Variants in WWOX observed in about 807,000 individuals in gnomAD.
WWOX encodes WW domain containing oxidoreductase.
In WWOX, 69 loss-of-function variants were observed where a neutral mutation model predicts 46.2. The observed-to-expected ratio is 1.49, with a 90% CI of 1.23 to 1.82. The LOEUF (loss-of-function observed/expected upper bound fraction) is 1.82. Among genes scored for constraint, WWOX ranks in the 40% most tolerant of loss-of-function variants. The pLI, the probability that WWOX is intolerant of heterozygous loss-of-function variation, is 0.00. For synonymous variants in WWOX, 359 were observed against 202.6 expected, an observed-to-expected ratio of 1.77 and a Z score of -6.56; for missense variants, 919 against 542.6, an observed-to-expected ratio of 1.69 and a Z score of -6.89.
chr16:78,416,571 T>C (rs1455953333), intron 6 of WWOX, among the ~76,000 whole-genome samples: 2 of 152,160 alleles, frequency 1.3e-5, no homozygotes, highest in Non-Finnish European at 2.9e-5. Context: ...GGCCTGTCTT[T>C]GGTAGCAAGT....
intron 8 of WWOX, among the ~76,000 whole-genome samples, chr16:78,736,897 A>G (rs28670522): frequency 1.3e-5 from 2 of 151,604 alleles, no homozygotes; most frequent in African/African-American, 2.4e-5. Flanking sequence ...GCATGAGGCA[A>G]TGTGCCCGGC....
chr16:79,189,981 T>C lies in WWOX; in HGVS notation c.1057-21627T>C, dbSNP rs982097319. On this transcript the variant is annotated intron_variant, in intron 8 of 8. Coordinates refer to ENST00000566780, the MANE Select transcript of WWOX (RefSeq NM_016373.4). ...AATTTGGAAGCATTTGATTGCTCCA[T>C]TATTTTATCATCTTCCCATGGAAAT... Among the ~76,000 whole-genome samples, 8 of 152,076 alleles carry C rather than the reference T, an allele frequency of 5.3e-5. No homozygotes were observed. The South Asian group carries it at 8.3e-4, about 16-fold the overall frequency.
intron 4 of WWOX, among the ~76,000 whole-genome samples, chr16:78,159,684 T>G (rs2034723274): frequency 6.7e-6 from 1 of 149,442 alleles, no homozygotes; most frequent in Non-Finnish European, 1.5e-5. Flanking sequence ...TTTTTTTTTT[T>G]TTTTTTTTTT....
intron 8 of WWOX, among the ~76,000 whole-genome samples, chr16:79,120,208 A>G (rs1369514834): frequency 6.6e-6 from 1 of 152,186 alleles, no homozygotes; most frequent in Non-Finnish European, 1.5e-5. Flanking sequence ...TTCCTCATAG[A>G]CAGGGAATGT....
chr16:78,365,250 G>T (rs987432824), intron 5 of WWOX, among the ~76,000 whole-genome samples: 2 of 152,202 alleles, frequency 1.3e-5, no homozygotes, highest in Non-Finnish European at 2.9e-5. Flanking sequence ...CATTATCAGT[G>T]TGATTGTCTC....
intron 5 of WWOX, among the ~76,000 whole-genome samples, chr16:78,362,937 G>C (rs1351532520): frequency 6.6e-6 from 1 of 152,170 alleles, no homozygotes; most frequent in Non-Finnish European, 1.5e-5. Context: ...ATGGTTGCAT[G>C]GGACAGTGTC....
intron 8 of WWOX, among the ~76,000 whole-genome samples, chr16:78,934,136 C>G (rs563511759): frequency 1.3e-5 from 2 of 151,706 alleles, no homozygotes; most frequent in African/African-American, 2.4e-5. Context: ...GAGATGGAGA[C>G]CATCCTGGCT....
At chr16:78,614,171 T>C (rs948289614) in intron 8 of WWOX, among the ~76,000 whole-genome samples, 19 of 152,216 alleles carry the variant, frequency 1.2e-4, no homozygotes, top group African/African-American at 4.6e-4. Flanking sequence ...GACAAACAAC[T>C]TCTGTCAGCT....
chr16:79,204,258 C>G (rs1385621494), intron 8 of WWOX: 5 of 152,114 alleles, frequency 3.3e-5, no homozygotes, highest in African/African-American at 1.2e-4. Flanking sequence ...AAGACATCAT[C>G]AACAATACCT....
chr16:78,548,978 G>A (rs2044113888), intron 8 of WWOX, among the ~76,000 whole-genome samples: 1 of 152,068 alleles, frequency 6.6e-6, no homozygotes, highest in Non-Finnish European at 1.5e-5. Context: ...TCCAACAGAT[G>A]GATGGGTTGG....
At chr16:78,520,265 A>G (rs1312313174) in intron 8 of WWOX, among the ~76,000 whole-genome samples, 1 of 152,212 alleles carries the variant, frequency 6.6e-6, no homozygotes, top group Non-Finnish European at 1.5e-5. Flanking sequence ...AGAGAGCCAA[A>G]GTCTTGATAG....
Position 78,323,255 on chromosome 16 carries a change from C to T in WWOX, c.517-63605C>T, listed in dbSNP as rs1031734774. Among the ~76,000 whole-genome samples the T allele has an allele frequency of 9.9e-5, 15 of 152,090 alleles. No individual in the cohort carries two copies. In the Middle Eastern group the frequency reaches 0.01, roughly 103 times the overall value. Reference sequence around the variant, plus strand: ...CTGAGTAGGTGGGACTACAGGCCCCCGCCACCATGCCCGGCTAATTTTTTT... The same window carrying T: ...CTGAGTAGGTGGGACTACAGGCCCCTGCCACCATGCCCGGCTAATTTTTTT... On this transcript the variant is annotated intron_variant, in intron 5 of 8. Transcript: ENST00000566780.
intron 8 of WWOX, among the ~76,000 whole-genome samples, chr16:78,737,319 A>G (rs2049114825): frequency 6.6e-6 from 1 of 151,476 alleles, no homozygotes. Context: ...ATTTTTTAGT[A>G]CAGATGCGGT....
chr16:78,797,078 A>C (rs2050758444), intron 8 of WWOX, among the ~76,000 whole-genome samples: 1 of 151,988 alleles, frequency 6.6e-6, no homozygotes, highest in African/African-American at 2.4e-5. Context: ...CACCCACCTC[A>C]GCCTCCTAAA....
chr16:78,653,050 T>G lies in WWOX; in HGVS notation c.1056+220298T>G, dbSNP rs2047001260. On this transcript the variant is annotated intron_variant, in intron 8 of 8. Coordinates refer to ENST00000566780, the MANE Select transcript of WWOX (RefSeq NM_016373.4). ...AAATGTTCTATTAATTCCACTAGCATGAGATAATCACTCTTAATATTTTGT... is the reference window on the plus strand; with the variant it reads ...AAATGTTCTATTAATTCCACTAGCAGGAGATAATCACTCTTAATATTTTGT... 1.3e-5 allele frequency among the ~76,000 whole-genome samples: 2 copies of G among 152,222 alleles called. 1 individual carries two copies. The highest frequency in any genetic ancestry group is 4.1e-4 in the South Asian group (2 of 4,836).
intron 8 of WWOX, among the ~76,000 whole-genome samples, chr16:78,548,485 G>T (rs1354907129): frequency 6.6e-6 from 1 of 152,142 alleles, no homozygotes; most frequent in Non-Finnish European, 1.5e-5. Flanking sequence ...ATTTTTTTAA[G>T]TAAGGTTTAT....
chr16:78,358,046 C>T lies in WWOX; in HGVS notation c.517-28814C>T, dbSNP rs143653829. Among the ~76,000 whole-genome samples, 18 of 152,216 alleles carry T rather than the reference C, an allele frequency of 1.2e-4. 1 individual carries two copies. The East Asian group carries it at 1.7e-3, about 15-fold the overall frequency. On this transcript the variant is annotated intron_variant, in intron 5 of 8. Coordinates refer to ENST00000566780, the MANE Select transcript of WWOX (RefSeq NM_016373.4). ...GAACACACATAATGAACCATATGCA[C>T]GAGAACTTTTTCATCTTTCTGCATA...
intron 8 of WWOX, among the ~76,000 whole-genome samples, chr16:79,028,749 A>G (rs2047695604): frequency 6.6e-6 from 1 of 151,878 alleles, no homozygotes; most frequent in Non-Finnish European, 1.5e-5. Context: ...GTAGGTTTAT[A>G]ATTTATTTTC....
intron 5 of WWOX, among the ~76,000 whole-genome samples, chr16:78,382,559 A>C (rs965235023): frequency 9.2e-5 from 14 of 152,214 alleles, no homozygotes; most frequent in Admixed American, 2.0e-4. Context: ...AGCCATGCTA[A>C]GGAATTCAGC....
Sources: gnomAD v4.1 joint callset for allele counts (sites outside exome capture counted in the v4.1 genomes callset) on GRCh38, gnomAD v4.1.1 for gene constraint, MANE v1.5 for transcripts, NCBI Gene and HGNC (gene_info 2026-07-23, HGNC 2026-07-21) for gene names.